ANKRD55: variants seen among roughly 807,000 people sequenced by gnomAD.
The protein encoded by ANKRD55 is ankyrin repeat domain-containing protein 55.
ANKRD55 carries 41 observed loss-of-function variants against 60.6 expected under a neutral mutation model. The observed-to-expected ratio is 0.68, with a 90% CI of 0.53 to 0.88. The LOEUF is 0.88. Among genes scored for constraint, ANKRD55 ranks in the 40% least tolerant of loss-of-function variants. The pLI is 0.00. For missense variants in ANKRD55, 732 were observed against 767.6 expected, an observed-to-expected ratio of 0.95 and a Z score of 0.55; for synonymous variants, 264 against 290.3, an observed-to-expected ratio of 0.91 and a Z score of 0.92.
At chr5:56,135,303 CTTTCTTTCTT>C (rs1464894907) in intron 7 of ANKRD55, among the ~76,000 whole-genome samples, 1 of 7,132 alleles carries the variant, frequency 1.4e-4, no homozygotes, top group Admixed American at 1.3e-3. Context: ...TGCTTTCTTT[CTTTCTTTCTT>C]TCTTTCTTTC....
intron 2 of ANKRD55, chr5:56,193,340 A>T: frequency 1.1e-6 from 1 of 872,856 alleles, no homozygotes; most frequent in Non-Finnish European, 1.8e-6. Context: ...TGGAAAAGAA[A>T]CTTTTCATCC....
intron 7 of ANKRD55, chr5:56,137,396 G>A: frequency 1.0e-6 from 1 of 966,156 alleles, no homozygotes; most frequent in Non-Finnish European, 1.7e-6. Context: ...ACCCATACAT[G>A]AGCTCTCCCT....
chr5:56,200,921 G>T (rs1019913790), intron 2 of ANKRD55, among the ~76,000 whole-genome samples: 15 of 152,112 alleles, frequency 9.9e-5, no homozygotes, highest in African/African-American at 3.4e-4. Context: ...TTCTTAGATT[G>T]TTCCTTGAAA....
Position 56,100,115 on chromosome 5 carries a change from G to C in ANKRD55, c.*68C>G. ...AATTGGTCTTCGTTCTTACAAACTG[G>C]AGTAATCTTGTCCTTTGAGAGTTGA... On this transcript the variant is annotated 3_prime_UTR_variant, in exon 12 of 12. Transcript: ENST00000341048. 1 of 1,604,574 alleles carries C rather than the reference G, an allele frequency of 6.2e-7. No homozygotes were observed. The highest frequency in any genetic ancestry group is 8.5e-7 in the Non-Finnish European group (1 of 1,172,794).
chr5:56,131,297 G>A (rs1183185079), intron 7 of ANKRD55, among the ~76,000 whole-genome samples: 1 of 152,160 alleles, frequency 6.6e-6, no homozygotes, highest in African/African-American at 2.4e-5. Flanking sequence ...GCAAAGAGAA[G>A]GATTACCTCT....
At chr5:56,155,039 C>T (rs937909562) in intron 6 of ANKRD55, among the ~76,000 whole-genome samples, 15 of 151,912 alleles carry the variant, frequency 9.9e-5, no homozygotes, top group African/African-American at 3.4e-4. Flanking sequence ...CTAGACCAGT[C>T]TGGGCAACAT....
chr5:56,166,138 CTTTCTTTCTTTCTTTCTTCT>C (rs1758461266), intron 5 of ANKRD55, among the ~76,000 whole-genome samples: 1 of 98,974 alleles, frequency 1.0e-5, no homozygotes, highest in Non-Finnish European at 1.9e-5. Flanking sequence ...TTCTTTCTTT[CTTTCTTTCTTTCTTTCTTCT>C]TTCCTTCCTT....
chr5:56,160,898 T>G (rs1193726953), intron 5 of ANKRD55: 1 of 152,120 alleles, frequency 6.6e-6, no homozygotes, highest in Non-Finnish European at 1.5e-5. Context: ...TGGCTTGGGT[T>G]TACATCCCAG....
At chr5:56,202,329 C>A (rs1326465875) in intron 2 of ANKRD55, among the ~76,000 whole-genome samples, 2 of 151,522 alleles carry the variant, frequency 1.3e-5, no homozygotes, top group East Asian at 1.9e-4. Flanking sequence ...AAAAAAAAAA[C>A]AAAGTGTGCC....
chr5:56,169,428 CT>C (rs59911045), intron 5 of ANKRD55, among the ~76,000 whole-genome samples: 1,763 of 144,030 alleles, frequency 0.012, 18 homozygotes, highest in African/African-American at 0.035. Context: ...TGGGGTCATT[CT>C]TTTTTTTTTT....
chr5:56,178,793 A>C (rs1039096702), intron 3 of ANKRD55, among the ~76,000 whole-genome samples: 2 of 121,530 alleles, frequency 1.6e-5, no homozygotes, highest in Admixed American at 7.9e-5. Context: ...CCTGAAAATG[A>C]ATCTATACAT....
intron 2 of ANKRD55, among the ~76,000 whole-genome samples, chr5:56,202,168 G>T (rs975589264): frequency 3.3e-5 from 5 of 152,130 alleles, no homozygotes; most frequent in African/African-American, 1.2e-4. Context: ...GGGAGAGGGG[G>T]AGCATCAGGA....
Position 56,123,973 on chromosome 5 carries a change from C to T in ANKRD55, c.797+2949G>A, listed in dbSNP as rs151000078. On this transcript the variant is annotated intron_variant, in intron 8 of 11. Coordinates refer to ENST00000341048, the MANE Select transcript of ANKRD55 (RefSeq NM_024669.3). ...TGATTCAGAAGGAATTCAGCAGAGA[C>T]AAGAGTGGGCGGATGTGGTGGCCGC... Among the ~76,000 whole-genome samples, 403 of 152,236 alleles carry T rather than the reference C, an allele frequency of 2.6e-3. 3 individuals are homozygous for T. Among genetic ancestry groups the T allele is most frequent in the African/African-American group, 9.5e-3 (393 of 41,498 alleles).
chr5:56,122,630 G>A (rs1343704673), intron 8 of ANKRD55, among the ~76,000 whole-genome samples: 2 of 151,960 alleles, frequency 1.3e-5, no homozygotes, highest in East Asian at 3.9e-4. Flanking sequence ...CTGCACTCCA[G>A]CCTGGGTGAC....
intron 5 of ANKRD55, among the ~76,000 whole-genome samples, chr5:56,162,623 TA>T (rs1758358770): frequency 6.6e-6 from 1 of 151,038 alleles, no homozygotes; most frequent in African/African-American, 2.4e-5. Context: ...GGGGGTGGGG[TA>T]GGGGGTTAGA....
intron 5 of ANKRD55, among the ~76,000 whole-genome samples, chr5:56,165,302 T>A (rs966996058): frequency 6.6e-6 from 1 of 152,170 alleles, no homozygotes; most frequent in Non-Finnish European, 1.5e-5. Context: ...GGCAGTAGGA[T>A]GTAGGACTGC....
At chr5:56,123,183 GC>G (rs1220352424) in intron 8 of ANKRD55, among the ~76,000 whole-genome samples, 1 of 152,094 alleles carries the variant, frequency 6.6e-6, no homozygotes, top group Non-Finnish European at 1.5e-5. Flanking sequence ...CTTGTGCAGG[GC>G]CTGAACCTTG....
intron 6 of ANKRD55, among the ~76,000 whole-genome samples, chr5:56,150,695 C>T (rs1026745201): frequency 1.3e-5 from 2 of 151,986 alleles, no homozygotes; most frequent in South Asian, 2.1e-4. Context: ...GTCAGGAGTT[C>T]GAGACCAGCC....
intron 5 of ANKRD55, among the ~76,000 whole-genome samples, chr5:56,168,239 C>T (rs890010479): frequency 3.9e-5 from 6 of 152,170 alleles, no homozygotes; most frequent in African/African-American, 9.7e-5. Context: ...GCTTAATCTG[C>T]GGTTTCGCTT....
Sources: gnomAD v4.1 joint callset for allele counts (sites outside exome capture counted in the v4.1 genomes callset) on GRCh38, gnomAD v4.1.1 for gene constraint, MANE v1.5 for transcripts, NCBI Gene and HGNC (gene_info 2026-07-23, HGNC 2026-07-21) for gene names.